Variants in PDSS2 observed in about 807,000 individuals in gnomAD.
PDSS2 encodes decaprenyl diphosphate synthase subunit 2, also known as all trans-polyprenyl-diphosphate synthase PDSS2.
A neutral mutation model predicts 44.5 loss-of-function variants in PDSS2; 31 were observed. The ratio of observed to expected loss-of-function variants is 0.70; its 90% confidence interval spans 0.52 to 0.94. The LOEUF is 0.94. PDSS2 is among the 40% of genes least tolerant of loss of function. The pLI is 0.00. For missense variants in PDSS2, 452 were observed against 482.2 expected, an observed-to-expected ratio of 0.94 and a Z score of 0.59; for synonymous variants, 157 against 180.3, an observed-to-expected ratio of 0.87 and a Z score of 1.03.
At chr6:107,386,056 TTATTCTC>T (rs1779601774) in intron 1 of PDSS2, among the ~76,000 whole-genome samples, 1 of 152,178 alleles carries the variant, frequency 6.6e-6, no homozygotes, top group Admixed American at 6.5e-5. Flanking sequence ...CTCATCCTCT[TTATTCTC>T]TAGTGTGTCC....
At chr6:107,355,913 A>G (rs1778584894) in intron 1 of PDSS2, among the ~76,000 whole-genome samples, 1 of 152,250 alleles carries the variant, frequency 6.6e-6, no homozygotes, top group African/African-American at 2.4e-5. Flanking sequence ...AAAACACCAG[A>G]GAGACTGTGA....
intron 7 of PDSS2, among the ~76,000 whole-genome samples, chr6:107,155,884 T>C (rs1770873480): frequency 8.0e-6 from 1 of 124,736 alleles, no homozygotes; most frequent in Admixed American, 8.6e-5. Context: ...GGCCTTTTTT[T>C]TTTTTTTTTT....
At chr6:107,285,658 C>T (rs1051628508) in intron 2 of PDSS2, among the ~76,000 whole-genome samples, 1 of 151,978 alleles carries the variant, frequency 6.6e-6, no homozygotes, top group African/African-American at 2.4e-5. Flanking sequence ...GATATTGGGG[C>T]AATTGGCTAT....
At chr6:107,367,802 CAA>C (rs58861327) in intron 1 of PDSS2, among the ~76,000 whole-genome samples, 4 of 101,650 alleles carry the variant, frequency 3.9e-5, no homozygotes, top group Admixed American at 1.2e-4. Context: ...AACTCTGTCT[CAA>C]AAAAAAAAAA....
At chr6:107,179,409 T>C (rs1274217787) in intron 7 of PDSS2, among the ~76,000 whole-genome samples, 1 of 152,092 alleles carries the variant, frequency 6.6e-6, no homozygotes, top group African/African-American at 2.4e-5. Flanking sequence ...GCCTCCTGAA[T>C]AGCTGGGATT....
intron 4 of PDSS2, among the ~76,000 whole-genome samples, chr6:107,240,398 CTTTTTT>C (rs751073523): frequency 1.5e-5 from 2 of 131,016 alleles, no homozygotes; most frequent in Non-Finnish European, 1.6e-5. Context: ...GAGACCCTAC[CTTTTTT>C]TTTTTTTTTT....
chr6:107,212,422 C>T (rs1432899382), intron 4 of PDSS2, 140 bp from the exon 5 acceptor site: 8 of 655,164 alleles, frequency 1.2e-5, no homozygotes, highest in Admixed American at 2.9e-5. Context: ...TAAAAGATGC[C>T]TAACCTCAGC....
At chr6:107,181,885 G>C (rs1771997407) in intron 7 of PDSS2, among the ~76,000 whole-genome samples, 1 of 114,578 alleles carries the variant, frequency 8.7e-6, no homozygotes, top group African/African-American at 3.7e-5. Flanking sequence ...GCAAGACTCT[G>C]TCTCAAAAAA....
At chr6:107,177,125 G>T (rs1771819823) in intron 7 of PDSS2, among the ~76,000 whole-genome samples, 1 of 133,638 alleles carries the variant, frequency 7.5e-6, no homozygotes, top group Non-Finnish European at 1.5e-5. Context: ...AACACGTAAT[G>T]TAATTCTTTT....
At chr6:107,245,053 C>T (rs1774561765) in intron 4 of PDSS2, among the ~76,000 whole-genome samples, 2 of 152,156 alleles carry the variant, frequency 1.3e-5, no homozygotes, top group South Asian at 2.1e-4. Context: ...TCCAACTGTG[C>T]AATCATCCCA....
At chr6:107,299,998 A>G (rs1236319222) in intron 2 of PDSS2, among the ~76,000 whole-genome samples, 2 of 151,622 alleles carry the variant, frequency 1.3e-5, no homozygotes, top group Non-Finnish European at 2.9e-5. Flanking sequence ...ACTACATGAA[A>G]CCCTCCATAC....
chr6:107,207,298 T>C (rs1038323400), intron 6 of PDSS2, among the ~76,000 whole-genome samples: 3 of 152,072 alleles, frequency 2.0e-5, no homozygotes, highest in Non-Finnish European at 4.4e-5. Flanking sequence ...GGCCTGAGTT[T>C]GCTATTATTG....
chr6:107,366,791 T>C (rs568716259), intron 1 of PDSS2, among the ~76,000 whole-genome samples: 2 of 151,936 alleles, frequency 1.3e-5, no homozygotes, highest in African/African-American at 4.8e-5. Flanking sequence ...ACAGAAAATA[T>C]GAATAGGACT....
intron 4 of PDSS2, among the ~76,000 whole-genome samples, chr6:107,238,104 T>G (rs868695003): frequency 5.3e-5 from 8 of 152,118 alleles, no homozygotes; most frequent in Middle Eastern, 3.4e-3. Context: ...AACTGGATTC[T>G]CTTTTAAAAC....
At chr6:107,234,424 CA>C (rs1408617527) in intron 4 of PDSS2, among the ~76,000 whole-genome samples, 1 of 152,066 alleles carries the variant, frequency 6.6e-6, no homozygotes, top group African/African-American at 2.4e-5. Context: ...AGGCTGGTCT[CA>C]AACTCCTGAC....
intron 1 of PDSS2, among the ~76,000 whole-genome samples, chr6:107,337,629 T>C (rs989308598): frequency 6.6e-6 from 1 of 152,264 alleles, no homozygotes; most frequent in African/African-American, 2.4e-5. Flanking sequence ...AAGTAATCAG[T>C]AAATTACATT....
chr6:107,346,479 T>C (rs959896869), intron 1 of PDSS2, among the ~76,000 whole-genome samples: 15 of 152,252 alleles, frequency 9.9e-5, no homozygotes, highest in African/African-American at 3.6e-4. Flanking sequence ...TCATTTATTT[T>C]GATTATTCTT....
chr6:107,400,065 G>C (rs117509337), intron 1 of PDSS2, among the ~76,000 whole-genome samples: 7 of 152,116 alleles, frequency 4.6e-5, no homozygotes, highest in South Asian at 2.1e-4. Flanking sequence ...GTATGTGAGT[G>C]GGGGGAGTGT....
chr6:107,298,100 T>C lies in PDSS2; in HGVS notation c.432-23873A>G, dbSNP rs79005127. Among the ~76,000 whole-genome samples the C allele has an allele frequency of 0.015, 2,289 of 152,254 alleles. 121 individuals carry two copies. The East Asian group carries it at 0.19, about 13-fold the overall frequency. ...TAAAATCAGTATGATGTGAAAAAGA[T>C]ATGAGAAGGAAAACTGGGATAGTGC... On this transcript the variant is annotated intron_variant, in intron 2 of 7. Coordinates refer to ENST00000369037, the MANE Select transcript of PDSS2 (RefSeq NM_020381.4).
Sources: gnomAD v4.1 joint callset for allele counts (sites outside exome capture counted in the v4.1 genomes callset) on GRCh38, gnomAD v4.1.1 for gene constraint, MANE v1.5 for transcripts, NCBI Gene and HGNC (gene_info 2026-07-23, HGNC 2026-07-21) for gene names.